The following AUTS2 variants were observed in gnomAD, a reference collection of about 807,000 sequenced individuals.
AUTS2 encodes activator of transcription and developmental regulator AUTS2.
AUTS2 carries 17 observed loss-of-function variants against 112.4 expected under a neutral mutation model. That is an observed-to-expected ratio of 0.15 (90% CI 0.10 to 0.23). The LOEUF is 0.23. Among genes scored for constraint, AUTS2 ranks in the 10% least tolerant of loss-of-function variants. AUTS2 has a pLI of 1.00. For missense variants in AUTS2, 1,510 were observed against 1,701.6 expected (o/e 0.89, Z 1.98); for synonymous variants, 751 against 702.7 (o/e 1.07, Z -1.09).
chr7:69,603,981 C>T (rs1328217103), intron 1 of AUTS2, among the ~76,000 whole-genome samples: 1 of 152,174 alleles, frequency 6.6e-6, no homozygotes, highest in Admixed American at 6.5e-5. Context: ...TTTTTCCCCT[C>T]ATTCCTCTTT....
At chr7:70,494,414 C>G (rs1375852708) in intron 5 of AUTS2, among the ~76,000 whole-genome samples, 1 of 152,142 alleles carries the variant, frequency 6.6e-6, no homozygotes, top group Non-Finnish European at 1.5e-5. Context: ...CACTCAGCCT[C>G]ATGAAGAGCT....
At chr7:70,741,174 A>G (rs1788084881) in intron 6 of AUTS2, among the ~76,000 whole-genome samples, 1 of 152,010 alleles carries the variant, frequency 6.6e-6, no homozygotes, top group African/African-American at 2.4e-5. Flanking sequence ...TCTTTTTAAG[A>G]TAAGGTTTAT....
At chr7:70,335,313 T>C (rs542763120) in intron 4 of AUTS2, among the ~76,000 whole-genome samples, 1 of 152,176 alleles carries the variant, frequency 6.6e-6, no homozygotes, top group Non-Finnish European at 1.5e-5. Context: ...TACTACACAC[T>C]CTCTCCTGCC....
At chr7:70,058,350 G>T (rs1196809696) in intron 2 of AUTS2, among the ~76,000 whole-genome samples, 1 of 152,112 alleles carries the variant, frequency 6.6e-6, no homozygotes, top group Non-Finnish European at 1.5e-5. Context: ...CGGTTGAGTA[G>T]CATTGAGGCC....
intron 5 of AUTS2, among the ~76,000 whole-genome samples, chr7:70,614,945 T>C (rs1430140327): frequency 6.6e-6 from 1 of 152,214 alleles, no homozygotes; most frequent in African/African-American, 2.4e-5. Flanking sequence ...ACACACGCAT[T>C]GTTCTCTGCC....
rs561219114 is a variant in AUTS2, at chr7:70,208,415, A to G, written c.660+73844A>G. Among the ~76,000 whole-genome samples the G allele has an allele frequency of 8.5e-5, 13 of 152,244 alleles. No individual in the cohort carries two copies. The South Asian group carries it at 2.3e-3, about 27-fold the overall frequency. On this transcript the variant is annotated intron_variant, in intron 4 of 18. Transcript: ENST00000342771. ...TTTAAGGCTTTCATGACATTTCAGCATTTTAGGGTTGCAGTATTCCAAGGA... is the reference window on the plus strand; with the variant it reads ...TTTAAGGCTTTCATGACATTTCAGCGTTTTAGGGTTGCAGTATTCCAAGGA...
intron 4 of AUTS2, among the ~76,000 whole-genome samples, chr7:70,195,471 A>C (rs949692886): frequency 2.0e-5 from 3 of 152,090 alleles, no homozygotes; most frequent in African/African-American, 7.2e-5. Flanking sequence ...ACATGGTGAA[A>C]CCCTGTCTCT....
intron 2 of AUTS2, among the ~76,000 whole-genome samples, chr7:70,078,350 A>G (rs1041893441): frequency 8.5e-5 from 13 of 152,162 alleles, no homozygotes; most frequent in African/African-American, 2.7e-4. Flanking sequence ...TGAGAATTTC[A>G]TCTTGCAACT....
rs75144336 is a variant in AUTS2, at chr7:69,991,244, A to G, written c.522+91746A>G. ...TAGTTTATTTTGTGCTTTTGGTAAA[A>G]TGATTCAAGGTCCAGGAGACATCCT... On this transcript the variant is annotated intron_variant, in intron 2 of 18. Coordinates refer to ENST00000342771, the MANE Select transcript of AUTS2 (RefSeq NM_015570.4). Among the ~76,000 whole-genome samples the G allele has an allele frequency of 2.1e-4, 32 of 152,326 alleles. No homozygotes were observed. In the East Asian group the frequency reaches 6.0e-3, roughly 28 times the overall value.
chr7:69,884,743 C>A (rs947539066), intron 1 of AUTS2, among the ~76,000 whole-genome samples: 1 of 152,202 alleles, frequency 6.6e-6, no homozygotes, highest in Non-Finnish European at 1.5e-5. Flanking sequence ...CTCACAGCAT[C>A]TGATTCCCTT....
chr7:69,790,857 T>C (rs148282668), intron 1 of AUTS2, among the ~76,000 whole-genome samples: 22 of 152,386 alleles, frequency 1.4e-4, no homozygotes, highest in African/African-American at 4.8e-4. Context: ...ATCTAAATTC[T>C]TCATGCTGTG....
At chr7:69,819,680 C>G (rs748148479) in intron 1 of AUTS2, among the ~76,000 whole-genome samples, 1 of 152,146 alleles carries the variant, frequency 6.6e-6, no homozygotes, top group African/African-American at 2.4e-5. Context: ...TGCTGTGGTG[C>G]GAACATGGCT....
chr7:69,623,629 G>A (rs1159565730), intron 1 of AUTS2, among the ~76,000 whole-genome samples: 1 of 151,960 alleles, frequency 6.6e-6, no homozygotes, highest in Non-Finnish European at 1.5e-5. Flanking sequence ...ATATTTTTGA[G>A]TGTTTTCCTG....
intron 5 of AUTS2, among the ~76,000 whole-genome samples, chr7:70,577,528 G>C (rs1394803387): frequency 1.3e-5 from 2 of 152,164 alleles, no homozygotes; most frequent in Non-Finnish European, 2.9e-5. Context: ...GAATATGTAA[G>C]TGATACATAA....
intron 4 of AUTS2, among the ~76,000 whole-genome samples, chr7:70,356,814 C>T (rs950361813): frequency 2.6e-5 from 4 of 151,264 alleles, no homozygotes; most frequent in African/African-American, 4.9e-5. Flanking sequence ...AAACAAAGGG[C>T]GTTTTTATGA....
chr7:70,555,465 T>C (rs1046746731), intron 5 of AUTS2, among the ~76,000 whole-genome samples: 1 of 152,164 alleles, frequency 6.6e-6, no homozygotes, highest in Non-Finnish European at 1.5e-5. Context: ...GGAGATGGTA[T>C]TGAGAATTTT....
intron 18 of AUTS2, among the ~76,000 whole-genome samples, 154 bp downstream of exon 18, chr7:70,787,585 C>T (rs538071319): frequency 8.5e-5 from 13 of 152,178 alleles, no homozygotes; most frequent in Non-Finnish European, 1.5e-4. Context: ...CGCAGCCCCT[C>T]GCAGTCCCCA....
intron 1 of AUTS2, among the ~76,000 whole-genome samples, chr7:69,766,382 C>A (rs1788420501): frequency 6.6e-6 from 1 of 152,192 alleles, no homozygotes. Flanking sequence ...CCACTCTTGG[C>A]TGTTACAAAT....
At chr7:69,793,690 A>G (rs993328351) in intron 1 of AUTS2, among the ~76,000 whole-genome samples, 1 of 152,218 alleles carries the variant, frequency 6.6e-6, no homozygotes, top group East Asian at 1.9e-4. Flanking sequence ...ACCAAACCCT[A>G]TAACAATCAG....
Sources: gnomAD v4.1 joint callset for allele counts (sites outside exome capture counted in the v4.1 genomes callset) on GRCh38, gnomAD v4.1.1 for gene constraint, MANE v1.5 for transcripts, NCBI Gene and HGNC (gene_info 2026-07-23, HGNC 2026-07-21) for gene names.